Variants in CPZ observed in about 807,000 individuals in gnomAD.
The protein encoded by CPZ is carboxypeptidase Z, also known as VEZT/CPZ fusion.
CPZ carries 103 observed loss-of-function variants against 61.8 expected under a neutral mutation model. That is an observed-to-expected ratio of 1.67 (90% CI 1.42 to 1.96). The LOEUF is 1.96. Among genes scored for constraint, CPZ ranks in the 30% most tolerant of loss-of-function variants. The probability of loss-of-function intolerance (pLI) is 0.00; values close to 1 mark genes in which losing one functional copy is unlikely to be tolerated. For missense variants in CPZ, 1,461 were observed against 914.9 expected (o/e 1.60, Z -7.70); for synonymous variants, 551 against 373.7 (o/e 1.47, Z -5.47).
At chr4:8,605,323 C>CATCCATCT (rs1553876721) in intron 4 of CPZ, among the ~76,000 whole-genome samples, 1 of 15,952 alleles carries the variant, frequency 6.3e-5, no homozygotes, top group African/African-American at 1.9e-4. Flanking sequence ...TTCATTTATT[C>CATCCATCT]ATCCATCCAT....
intron 7 of CPZ, among the ~76,000 whole-genome samples, chr4:8,609,059 A>ACCCATTCACTCACGTACTCACTCC (rs1715308155): frequency 1.7e-5 from 2 of 118,000 alleles, no homozygotes; most frequent in Non-Finnish European, 3.4e-5. Context: ...TCCCTCCCTC[A>ACCCATTCACTCACGTACTCACTCC]CTCCCTCACT....
chr4:8,601,447 A>G lies in CPZ; in HGVS notation c.446A>G (p.Tyr149Cys). ...AWPYFLDCHR[Y>C]FTREDEGCYD... ...CCCTACTTCCTTGACTGCCACCGCT[A>G]CTTCACGAGAGAGGACGAGGGCTGC... Residue 149 changes from tyrosine to cysteine, a missense_variant, in exon 3 of 11, where the codon TAC (tyrosine) becomes TGC (cysteine). Tyr to Cys is a radical substitution (Grantham distance 194). Coordinates refer to ENST00000360986, the MANE Select transcript of CPZ (RefSeq NM_001014447.3). 2 of 1,541,128 alleles carry G rather than the reference A, an allele frequency of 1.3e-6. No individual in the cohort carries two copies. The highest frequency in any genetic ancestry group is 8.7e-7 in the Non-Finnish European group (1 of 1,142,992).
chr4:8,596,419 C>A (rs1403578799), intron 1 of CPZ, among the ~76,000 whole-genome samples: 1 of 152,256 alleles, frequency 6.6e-6, no homozygotes, highest in Non-Finnish European at 1.5e-5. Context: ...CCACCCCTCT[C>A]TGTGCCTTGC....
At chr4:8,601,006 C>G in intron 2 of CPZ, 117 bp from the exon 3 acceptor site, 1 of 1,429,810 alleles carries the variant, frequency 7.0e-7, no homozygotes, top group Non-Finnish European at 9.1e-7. Context: ...CCTGCCAGAC[C>G]GTGGGTGCCC....
intron 3 of CPZ, chr4:8,603,653 T>TG (rs1342255891): frequency 1.3e-5 from 5 of 384,870 alleles, no homozygotes; most frequent in East Asian, 5.6e-5. Context: ...GGGTTTGCCT[T>TG]GGGGGGTCCA....
intron 8 of CPZ, among the ~76,000 whole-genome samples, chr4:8,613,063 G>A (rs976652502): frequency 2.0e-5 from 3 of 152,002 alleles, no homozygotes; most frequent in South Asian, 4.2e-4. Flanking sequence ...CTCAGCCCCC[G>A]TCATAGCCCT....
chr4:8,603,670 C>T (rs1714738331), intron 3 of CPZ: 2 of 460,080 alleles, frequency 4.3e-6, no homozygotes. Flanking sequence ...TCCAGGACCC[C>T]ATATATCTGT....
At position 8,592,815 on chromosome 4, in the gene CPZ, C is replaced by G; in HGVS notation, c.-19C>G. The G allele has an allele frequency of 6.9e-7, 1 of 1,440,016 alleles. No individual in the cohort carries two copies. Among genetic ancestry groups the G allele is most frequent in the Non-Finnish European group, 9.1e-7 (1 of 1,101,534 alleles). The allele number at this position is 1,440,016 out of a possible 1,614,324, so 89.2% of individuals were successfully genotyped here. ...GTGCCACATCACTGCGCTGGCCGTC[C>G]AAGGTCCGCCGCCCCACCATGCCGC... On this transcript the variant is annotated 5_prime_UTR_variant, in exon 1 of 11. Transcript: ENST00000360986.
At chr4:8,600,435 T>C (rs7683259) in intron 2 of CPZ, among the ~76,000 whole-genome samples, 150,191 of 152,328 alleles carry the variant, frequency 0.99, 74,080 homozygotes, top group East Asian at 1. Flanking sequence ...GGGGTGCGAG[T>C]GTGGAGCCAG....
Position 8,607,496 on chromosome 4 carries a change from C to G in CPZ, c.1227+71C>G, listed in dbSNP as rs1269303388. 16 of 1,543,256 alleles carry G rather than the reference C, an allele frequency of 1.0e-5. No individual in the cohort carries two copies. The East Asian group carries it at 3.6e-4, about 35-fold the overall frequency. On this transcript the variant is annotated intron_variant, in intron 7 of 10. Coordinates refer to ENST00000360986, the MANE Select transcript of CPZ (RefSeq NM_001014447.3). Reference sequence around the variant, plus strand: ...CGGTCCCCTTGGAGCTGGTGCCCCTCCAGTCCTGAGCTCAGTGAAGGCAAA... The same window carrying G: ...CGGTCCCCTTGGAGCTGGTGCCCCTGCAGTCCTGAGCTCAGTGAAGGCAAA...
Position 8,606,772 on chromosome 4 carries a change from G to T in CPZ, c.942G>T (p.Gln314His). Residue 314 changes from glutamine (Q) to histidine (H), a missense_variant, in exon 6 of 11, where the codon CAG becomes CAT. Coordinates refer to ENST00000360986, the MANE Select transcript of CPZ (RefSeq NM_001014447.3). ...ACAACGGGTGGACGAGCGGGAGGCA[G>T]AACGCGCAGAACCTGGATCTGAACC... ...AGYNGWTSGR[Q>H]NAQNLDLNRN... The T allele has an allele frequency of 8.7e-6, 14 of 1,614,190 alleles. No homozygotes were observed. Among genetic ancestry groups the T allele is most frequent in the Non-Finnish European group, 1.2e-5 (14 of 1,180,034 alleles).
At chr4:8,615,857 G>A (rs897432204) in intron 9 of CPZ, among the ~76,000 whole-genome samples, 1 of 152,218 alleles carries the variant, frequency 6.6e-6, no homozygotes. Context: ...AGCAGCCGCT[G>A]AGATAGGAAA....
chr4:8,614,301 TCCCGGCTGTCTCTG>T (rs1715971556), intron 8 of CPZ, 44 bp from the exon 9 acceptor site: 8 of 1,574,922 alleles, frequency 5.1e-6, no homozygotes, highest in Non-Finnish European at 6.9e-6. Flanking sequence ...ACCCCTGACG[TCCCGGCTGTCTCTG>T]TGCGGCTGAC....
chr4:8,619,268 ATGGTGACTAC>A lies in CPZ; in HGVS notation c.1614_1623del (p.Tyr540CysfsTer29), dbSNP rs748664513. On this transcript the variant is annotated frameshift_variant, in exon 11 of 11. Transcript: ENST00000360986. LOFTEE classifies it low-confidence loss of function (END_TRUNC). ...TTAATCTATTTGTCCACAGCCCCAG[ATGGTGACTAC>A]TGGAGACTGCTGCCCCCAGGTATCC... 101 of 1,610,490 alleles carry A rather than the reference ATGGTGACTAC, an allele frequency of 6.3e-5. 1 individual carries two copies. The highest frequency in any genetic ancestry group is 1.1e-5 in the Non-Finnish European group (13 of 1,178,412).
chr4:8,603,906 C>T, intron 3 of CPZ, 70 bp from the exon 4 acceptor site: 1 of 1,357,424 alleles, frequency 7.4e-7, no homozygotes, highest in East Asian at 2.3e-5. Context: ...TGTGTGTGGT[C>T]AGCGTTCCCA....
chr4:8,610,583 G>C (rs1715567848), intron 7 of CPZ, among the ~76,000 whole-genome samples: 2 of 152,224 alleles, frequency 1.3e-5, no homozygotes, highest in Non-Finnish European at 2.9e-5. Context: ...ATAAAGGCAG[G>C]TCAGAGGTGG....
intron 3 of CPZ, chr4:8,602,763 G>C (rs560245606): frequency 1.1e-4 from 17 of 152,622 alleles, no homozygotes; most frequent in African/African-American, 4.1e-4. Context: ...AAGGAAGGCA[G>C]ACAAACACCC....
chr4:8,598,664 C>T (rs770474027), intron 1 of CPZ, among the ~76,000 whole-genome samples: 1 of 152,252 alleles, frequency 6.6e-6, no homozygotes, highest in Non-Finnish European at 1.5e-5. Flanking sequence ...AAATCTGATG[C>T]CGGGTTCCCC....
At chr4:8,599,552 A>G (rs1714421271) in intron 2 of CPZ, 67 bp downstream of exon 2, 3 of 1,598,840 alleles carry the variant, frequency 1.9e-6, no homozygotes, top group Non-Finnish European at 2.6e-6. Context: ...CTGTCAGAGC[A>G]CTTTAGGCAG....
Sources: gnomAD v4.1 joint callset for allele counts (sites outside exome capture counted in the v4.1 genomes callset) on GRCh38, gnomAD v4.1.1 for gene constraint, MANE v1.5 for transcripts, NCBI Gene and HGNC (gene_info 2026-07-23, HGNC 2026-07-21) for gene names.